Variants in NHSL1 observed in about 807,000 individuals in gnomAD.
NHSL1 encodes the protein NHS-like protein 1.
Under a neutral mutation model 95.0 loss-of-function variants are expected in NHSL1, and 48 were observed. The ratio of observed to expected loss-of-function variants is 0.51; its 90% CI spans 0.40 to 0.64. The LOEUF (loss-of-function observed/expected upper bound fraction) is 0.64. NHSL1 is among the 30% of genes least tolerant of loss of function. The pLI is 0.00. For synonymous variants in NHSL1, 783 were observed against 833.9 expected (o/e 0.94, Z 1.05); for missense variants, 1,971 against 2,077.7 (o/e 0.95, Z 1.00).
chr6:138,585,515 G>A (rs1006998947), intron 1 of NHSL1, among the ~76,000 whole-genome samples: 1 of 152,034 alleles, frequency 6.6e-6, no homozygotes, highest in Admixed American at 6.6e-5. Context: ...TACCTCATAA[G>A]GAATGTCAGT....
intron 1 of NHSL1, among the ~76,000 whole-genome samples, chr6:138,540,841 C>T (rs1366519226): frequency 6.6e-6 from 1 of 152,184 alleles, no homozygotes. Flanking sequence ...CCACAGAATT[C>T]ACCACTTTTC....
chr6:138,622,477 CTCTGTCTCA>C (rs1463412467), intron 1 of NHSL1, among the ~76,000 whole-genome samples: 3 of 152,146 alleles, frequency 2.0e-5, no homozygotes, highest in Non-Finnish European at 2.9e-5. Context: ...CAGAGCAAGA[CTCTGTCTCA>C]AAAAAGAAAG....
chr6:138,527,409 C>A (rs1379793539), intron 1 of NHSL1, among the ~76,000 whole-genome samples: 2 of 152,096 alleles, frequency 1.3e-5, no homozygotes, highest in Non-Finnish European at 2.9e-5. Context: ...AGTTTCTCTT[C>A]TTTTTTTAAT....
intron 1 of NHSL1, among the ~76,000 whole-genome samples, chr6:138,610,689 T>A (rs1205174634): frequency 6.6e-6 from 1 of 151,980 alleles, no homozygotes; most frequent in Non-Finnish European, 1.5e-5. Flanking sequence ...TAGGTAACTA[T>A]AGCTAGACCT....
rs140880186 is a variant in NHSL1 at position 138,614,403 on chromosome 6, T to C, written c.96+78073A>G. On this transcript the variant is annotated intron_variant, in intron 1 of 3. Transcript: ENST00000491526. ...CATCCTAGCCCTGGGCTGCCTACTT[T>C]TGAACTTCTCATTACATGAGAAAAA... 2.9e-3 allele frequency among the ~76,000 whole-genome samples: 439 copies of C among 152,318 alleles called. 4 individuals are homozygous for C. Among genetic ancestry groups the C allele is most frequent in the African/African-American group, 9.9e-3 (413 of 41,564 alleles).
chr6:138,610,961 C>T (rs568365165), intron 1 of NHSL1, among the ~76,000 whole-genome samples: 55 of 152,154 alleles, frequency 3.6e-4, no homozygotes, highest in African/African-American at 1.2e-3. Context: ...GCCTGTAATT[C>T]CAGCTACTCA....
intron 1 of NHSL1, among the ~76,000 whole-genome samples, chr6:138,623,570 T>A (rs1784694942): frequency 6.6e-6 from 1 of 152,198 alleles, no homozygotes; most frequent in South Asian, 2.1e-4. Flanking sequence ...AAGAATACAA[T>A]ACATTGTTAT....
chr6:138,559,908 G>C (rs1047061542), intron 1 of NHSL1, among the ~76,000 whole-genome samples: 1 of 152,084 alleles, frequency 6.6e-6, no homozygotes, highest in Non-Finnish European at 1.5e-5. Flanking sequence ...GTGTGGCATG[G>C]GAACCAATGT....
At chr6:138,442,378 A>C (rs1471038047) in intron 4 of NHSL1, among the ~76,000 whole-genome samples, 1 of 152,226 alleles carries the variant, frequency 6.6e-6, no homozygotes, top group African/African-American at 2.4e-5. Context: ...TTAATAACAC[A>C]CTGGAAGAGT....
At chr6:138,559,985 T>C (rs1018543907) in intron 1 of NHSL1, among the ~76,000 whole-genome samples, 1 of 152,184 alleles carries the variant, frequency 6.6e-6, no homozygotes, top group Non-Finnish European at 1.5e-5. Flanking sequence ...AAATAAACTA[T>C]AATTAAACTT....
At chr6:138,472,137 G>A (rs1488339457) in intron 3 of NHSL1, among the ~76,000 whole-genome samples, 2 of 143,908 alleles carry the variant, frequency 1.4e-5, no homozygotes, top group Non-Finnish European at 3.0e-5. Flanking sequence ...AGCCAAGATT[G>A]CATCACTGCA....
chr6:138,542,974 G>A (rs1010820903), intron 1 of NHSL1, among the ~76,000 whole-genome samples: 2 of 152,098 alleles, frequency 1.3e-5, no homozygotes, highest in South Asian at 4.1e-4. Flanking sequence ...ATGTTAGCCA[G>A]GCTGGTCCCG....
At chr6:138,562,681 G>A (rs1005108938) in intron 1 of NHSL1, among the ~76,000 whole-genome samples, 1 of 151,896 alleles carries the variant, frequency 6.6e-6, no homozygotes, top group Non-Finnish European at 1.5e-5. Context: ...AAAATATATA[G>A]CCTAACATGA....
At chr6:138,444,139 C>T (rs1776709002) in intron 4 of NHSL1, among the ~76,000 whole-genome samples, 1 of 152,052 alleles carries the variant, frequency 6.6e-6, no homozygotes. Flanking sequence ...TACTCACTGC[C>T]TTTAATTGAA....
intron 5 of NHSL1, among the ~76,000 whole-genome samples, chr6:138,436,016 G>C (rs1776073114): frequency 6.6e-6 from 1 of 152,092 alleles, no homozygotes; most frequent in Admixed American, 6.6e-5. Flanking sequence ...CTGCTCCACT[G>C]ACCAGCTGTT....
At chr6:138,494,371 G>A (rs1162722267) in intron 2 of NHSL1, among the ~76,000 whole-genome samples, 1 of 152,214 alleles carries the variant, frequency 6.6e-6, no homozygotes, top group African/African-American at 2.4e-5. Context: ...GACTGTCCAA[G>A]TTTAAATCCT....
chr6:138,588,076 A>C (rs1784164921), intron 1 of NHSL1, among the ~76,000 whole-genome samples: 1 of 152,276 alleles, frequency 6.6e-6, no homozygotes, highest in Admixed American at 6.5e-5. Flanking sequence ...CCCAGCACCT[A>C]GCAGGTACTC....
chr6:138,469,689 C>A (rs1778629018), intron 3 of NHSL1, among the ~76,000 whole-genome samples: 1 of 152,160 alleles, frequency 6.6e-6, no homozygotes, highest in Non-Finnish European at 1.5e-5. Flanking sequence ...TGCGCCACTG[C>A]ACTCCAGCCT....
At chr6:138,574,703 T>C (rs1375013476), upstream of NHSL1, among the ~76,000 whole-genome samples, 1 of 150,048 alleles carries the variant, frequency 6.7e-6, no homozygotes, top group East Asian at 1.9e-4. Context: ...GAAAAAAAGT[T>C]AAGTCAGGCA....
Sources: allele counts gnomAD v4.1 joint callset (sites outside exome capture counted in the v4.1 genomes callset), GRCh38; gene constraint gnomAD v4.1.1; transcripts MANE v1.5; gene names NCBI Gene and HGNC (gene_info 2026-07-23, HGNC 2026-07-21).